Variants in GABRG3 observed in about 807,000 individuals in gnomAD.
GABRG3 encodes gamma-aminobutyric acid type A receptor subunit gamma3, also known as gamma-aminobutyric acid receptor subunit gamma-3.
A neutral mutation model predicts 48.8 loss-of-function variants in GABRG3; 25 were observed. The ratio of observed to expected loss-of-function variants is 0.51; its 90% CI spans 0.37 to 0.72. The LOEUF is 0.72. GABRG3 is among the 30% of genes least tolerant of loss of function. The pLI, the probability that GABRG3 is intolerant of heterozygous loss-of-function variation, is 0.00. For synonymous variants in GABRG3, 227 were observed against 217.6 expected (o/e 1.04, Z -0.38); for missense variants, 394 against 577.9 (o/e 0.68, Z 3.26).
chr15:27,024,044 T>C (rs1156277309), intron 2 of GABRG3, among the ~76,000 whole-genome samples: 1 of 152,202 alleles, frequency 6.6e-6, no homozygotes, highest in African/African-American at 2.4e-5. Context: ...TATTTTGTGG[T>C]TTTGATTTGC....
intron 3 of GABRG3, among the ~76,000 whole-genome samples, chr15:27,175,211 G>T (rs1269430085): frequency 6.6e-6 from 1 of 152,110 alleles, no homozygotes; most frequent in East Asian, 1.9e-4. Flanking sequence ...ACCTCCACCT[G>T]CAATGTGGAG....
intron 3 of GABRG3, among the ~76,000 whole-genome samples, chr15:27,246,171 AG>A (rs1374846254): frequency 6.6e-6 from 1 of 152,188 alleles, no homozygotes; most frequent in Non-Finnish European, 1.5e-5. Flanking sequence ...GATTTGGAGG[AG>A]GCAGATATCC....
intron 5 of GABRG3, among the ~76,000 whole-genome samples, chr15:27,421,072 G>A (rs528093211): frequency 5.9e-5 from 9 of 152,228 alleles, no homozygotes; most frequent in Non-Finnish European, 1.2e-4. Context: ...TGAGTCCCTC[G>A]TGAAGGGCAC....
chr15:26,990,952 G>A (rs1040199356), intron 2 of GABRG3, among the ~76,000 whole-genome samples: 1 of 151,806 alleles, frequency 6.6e-6, no homozygotes. Flanking sequence ...CTACAGGCAT[G>A]CGCCACCAGA....
chr15:27,053,894 T>C (rs2140713553), intron 3 of GABRG3, among the ~76,000 whole-genome samples: 1 of 152,338 alleles, frequency 6.6e-6, no homozygotes, highest in South Asian at 2.1e-4. Flanking sequence ...ATACTGCATG[T>C]CATCACTTAT....
chr15:27,252,240 A>G (rs1311576445), intron 3 of GABRG3, among the ~76,000 whole-genome samples: 1 of 152,048 alleles, frequency 6.6e-6, no homozygotes, highest in Non-Finnish European at 1.5e-5. Context: ...CTTCTCACCG[A>G]TGTGTCCCTC....
intron 3 of GABRG3, among the ~76,000 whole-genome samples, chr15:27,191,319 T>C (rs1888294763): frequency 6.6e-6 from 1 of 152,160 alleles, no homozygotes; most frequent in African/African-American, 2.4e-5. Flanking sequence ...ATGTTGACAG[T>C]GGGGTGTTAA....
At chr15:27,067,329 C>T (rs1202176634) in intron 3 of GABRG3, among the ~76,000 whole-genome samples, 2 of 152,178 alleles carry the variant, frequency 1.3e-5, no homozygotes, top group African/African-American at 4.8e-5. Context: ...CTAGGTGTTA[C>T]ATGGACTTTG....
At chr15:27,193,724 C>T (rs1007245513) in intron 3 of GABRG3, among the ~76,000 whole-genome samples, 5 of 152,208 alleles carry the variant, frequency 3.3e-5, no homozygotes, top group African/African-American at 9.6e-5. Flanking sequence ...GCGCTGCACC[C>T]ACTGACCTGC....
At chr15:27,387,163 C>T (rs1313606507) in intron 5 of GABRG3, among the ~76,000 whole-genome samples, 1 of 151,820 alleles carries the variant, frequency 6.6e-6, no homozygotes, top group East Asian at 1.9e-4. Context: ...CTTATTTGAG[C>T]ACTGCTTTAA....
At chr15:27,323,048 G>T (rs1338412115) in intron 3 of GABRG3, among the ~76,000 whole-genome samples, 1 of 152,090 alleles carries the variant, frequency 6.6e-6, no homozygotes, top group Admixed American at 6.5e-5. Context: ...TGCTTTATGG[G>T]GAAGGGGCAC....
At chr15:27,230,925 C>A (rs976894213) in intron 3 of GABRG3, among the ~76,000 whole-genome samples, 7 of 151,928 alleles carry the variant, frequency 4.6e-5, no homozygotes, top group Admixed American at 2.6e-4. Context: ...CAGCTAAAAT[C>A]TGGGCTATTG....
chr15:27,208,323 T>TA (rs1391087949), intron 3 of GABRG3: 1 of 221,540 alleles, frequency 4.5e-6, no homozygotes, highest in Admixed American at 4.3e-5. Flanking sequence ...GTGAAGTCTG[T>TA]AGCCCTTTCA....
intron 3 of GABRG3, among the ~76,000 whole-genome samples, chr15:27,065,544 T>C (rs1896723376): frequency 6.6e-6 from 1 of 152,188 alleles, no homozygotes; most frequent in African/African-American, 2.4e-5. Flanking sequence ...CCATTCCCAA[T>C]ATCCCCTGGG....
At chr15:27,446,918 A>G (rs1888961930) in intron 5 of GABRG3, among the ~76,000 whole-genome samples, 1 of 152,138 alleles carries the variant, frequency 6.6e-6, no homozygotes. Context: ...ACATATACTC[A>G]TGCCCGCACC....
At chr15:27,251,336 C>T (rs28616093) in intron 3 of GABRG3, among the ~76,000 whole-genome samples, 83,012 of 151,806 alleles carry the variant, frequency 0.55, 23,629 homozygotes, top group Non-Finnish European at 0.62. Context: ...TCCAAGGTGA[C>T]GGTCAGCCAG....
chr15:27,488,738 G>C (rs1395173755), intron 6 of GABRG3, among the ~76,000 whole-genome samples: 1 of 152,118 alleles, frequency 6.6e-6, no homozygotes, highest in South Asian at 2.1e-4. Flanking sequence ...CAAATATTTA[G>C]TTGTCATCTT....
intron 5 of GABRG3, among the ~76,000 whole-genome samples, chr15:27,436,392 G>A (rs1888612483): frequency 6.6e-6 from 1 of 152,150 alleles, no homozygotes; most frequent in Admixed American, 6.5e-5. Context: ...GAATTTTGGA[G>A]GGATGCAAAC....
chr15:27,422,267 C>A (rs1344755477), intron 5 of GABRG3: 2 of 152,868 alleles, frequency 1.3e-5, no homozygotes, highest in Non-Finnish European at 2.9e-5. Flanking sequence ...GGCTGCATAT[C>A]CACCAATACT....
Sources: allele counts gnomAD v4.1 joint callset (sites outside exome capture counted in the v4.1 genomes callset), GRCh38; gene constraint gnomAD v4.1.1; transcripts MANE v1.5; gene names NCBI Gene and HGNC (gene_info 2026-07-23, HGNC 2026-07-21).